Variants in WDFY4 observed in about 807,000 individuals in gnomAD.
WDFY4 encodes the protein WDFY family member 4.
A neutral mutation model predicts 351.9 loss-of-function variants in WDFY4; 169 were observed. The observed-to-expected ratio is 0.48, with a 90% CI of 0.42 to 0.55. The LOEUF (loss-of-function observed/expected upper bound fraction) is 0.55, where lower values mean the gene tolerates loss of function less well. Among genes scored for constraint, WDFY4 ranks in the 20% least tolerant of loss-of-function variants. The pLI, the probability that WDFY4 is intolerant of heterozygous loss-of-function variation, is 0.00. For synonymous variants in WDFY4, 1,622 were observed against 1,574.6 expected (o/e 1.03, Z -0.71); for missense variants, 3,803 against 3,935.6 (o/e 0.97, Z 0.90).
chr10:48,854,246 C>A (rs1324093367), intron 39 of WDFY4, among the ~76,000 whole-genome samples: 1 of 151,788 alleles, frequency 6.6e-6, no homozygotes, highest in Non-Finnish European at 1.5e-5. Context: ...GTAGCTGGGA[C>A]TACAGGTGTA....
At chr10:48,774,730 C>T in intron 14 of WDFY4, 58 bp downstream of exon 14, 1 of 1,539,278 alleles carries the variant, frequency 6.5e-7, no homozygotes, top group South Asian at 1.2e-5. Context: ...CTTTGCAGGG[C>T]AGGGGTTGCA....
At chr10:48,718,680 A>G (rs1458296756) in intron 2 of WDFY4, among the ~76,000 whole-genome samples, 1 of 152,236 alleles carries the variant, frequency 6.6e-6, no homozygotes, top group Non-Finnish European at 1.5e-5. Context: ...CACTCTGGCC[A>G]TTGGTCTGGA....
chr10:48,808,726 G>C (rs549426516), intron 28 of WDFY4, among the ~76,000 whole-genome samples: 2 of 152,234 alleles, frequency 1.3e-5, no homozygotes, highest in Non-Finnish European at 2.9e-5. Context: ...AAACATGGTA[G>C]AACTGGAAGA....
chr10:48,794,301 G>T (rs1026985720), intron 23 of WDFY4, among the ~76,000 whole-genome samples: 1 of 152,150 alleles, frequency 6.6e-6, no homozygotes, highest in African/African-American at 2.4e-5. Context: ...CTGACCTGGG[G>T]AGTCTCAGGA....
intron 57 of WDFY4, among the ~76,000 whole-genome samples, chr10:48,971,901 C>T (rs577341587): frequency 1.3e-5 from 2 of 152,284 alleles, no homozygotes; most frequent in Admixed American, 6.5e-5. Flanking sequence ...GTGCTCTCTC[C>T]CCAGCATCCC....
At chr10:48,726,824 A>G (rs1255364346) in intron 6 of WDFY4, among the ~76,000 whole-genome samples, 1 of 152,202 alleles carries the variant, frequency 6.6e-6, no homozygotes, top group African/African-American at 2.4e-5. Flanking sequence ...AGCACTCAGA[A>G]GAGGCTTCTC....
chr10:48,957,396 C>G (rs1441559220), intron 52 of WDFY4, 114 bp downstream of exon 52: 1 of 1,342,648 alleles, frequency 7.4e-7, no homozygotes, highest in East Asian at 2.5e-5. Flanking sequence ...CCCAGGACCT[C>G]AACTTCGGGT....
intron 47 of WDFY4, among the ~76,000 whole-genome samples, chr10:48,903,743 A>G (rs34874893): frequency 0.13 from 20,328 of 152,222 alleles, 1,514 homozygotes; most frequent in Middle Eastern, 0.21. Flanking sequence ...CATCTCAAAG[A>G]CATCATGGAG....
chr10:48,759,834 G>C (rs1243847028), intron 12 of WDFY4, among the ~76,000 whole-genome samples: 4 of 152,188 alleles, frequency 2.6e-5, no homozygotes, highest in Non-Finnish European at 4.4e-5. Context: ...CTTGAGTTTG[G>C]TTTCCTTCTC....
intron 56 of WDFY4, 107 bp from the exon 57 acceptor site, chr10:48,970,024 C>G: frequency 7.4e-7 from 1 of 1,349,780 alleles, no homozygotes; most frequent in East Asian, 2.5e-5. Flanking sequence ...ATGGCATGTC[C>G]CCAGTTCCCA....
At chr10:48,814,568 G>C (rs914036668) in intron 31 of WDFY4, among the ~76,000 whole-genome samples, 33 of 152,272 alleles carry the variant, frequency 2.2e-4, no homozygotes, top group African/African-American at 7.7e-4. Context: ...AGTTATTTTA[G>C]ACATTGGGTA....
At chr10:48,899,256 C>T (rs539126792) in intron 45 of WDFY4, among the ~76,000 whole-genome samples, 1 of 152,348 alleles carries the variant, frequency 6.6e-6, no homozygotes, top group East Asian at 1.9e-4. Context: ...ATTCTGCATT[C>T]ACTTCCTGTT....
Position 48,821,185 on chromosome 10 carries a change from G to A in WDFY4, c.5824+9G>A, listed in dbSNP as rs1034706282. 5 of 1,544,648 alleles carry A rather than the reference G, an allele frequency of 3.2e-6. No homozygotes were observed. In the African/African-American group the frequency reaches 4.1e-5, roughly 13 times the overall value. The stretch of plus-strand genomic sequence containing the variant: ...TGCAGCGATGTTCAGAGGTGAGTGG[G>A]GCAACTCGGTCCCCTCCATTCATGA... On this transcript the variant is annotated intron_variant, in intron 34 of 61. Coordinates refer to ENST00000325239, the MANE Select transcript of WDFY4 (RefSeq NM_001394531.1).
At chr10:48,844,043 C>CA (rs1180787488) in intron 39 of WDFY4, among the ~76,000 whole-genome samples, 8 of 152,266 alleles carry the variant, frequency 5.3e-5, no homozygotes, top group Non-Finnish European at 1.2e-4. Flanking sequence ...CTAGGCCCCC[C>CA]ACTCACAGCC....
intron 47 of WDFY4, among the ~76,000 whole-genome samples, chr10:48,940,600 G>A (rs144224171): frequency 7.2e-5 from 11 of 152,326 alleles, no homozygotes; most frequent in African/African-American, 2.6e-4. Flanking sequence ...TGGGGACTGG[G>A]TCTGTAGGTA....
rs182528116 is a variant in WDFY4 at position 48,697,909 on chromosome 10, G to A, written c.-17-11807G>A. Among the ~76,000 whole-genome samples, 362 of 152,290 alleles carry A rather than the reference G, an allele frequency of 2.4e-3. 1 individual carries two copies. Among genetic ancestry groups the A allele is most frequent in the African/African-American group, 8.3e-3 (346 of 41,556 alleles). ...CCCATGTCACCTTGGCCTGTTTGCT[G>A]CATGTCTGCCTCCAGCTTGCTTCCT... is the stretch of plus-strand genomic sequence containing the variant. On this transcript the variant is annotated intron_variant, in intron 1 of 61. Transcript: ENST00000325239.
intron 51 of WDFY4, 97 bp downstream of exon 51, chr10:48,947,066 GATGCC>G: frequency 2.9e-6 from 3 of 1,041,560 alleles, no homozygotes; most frequent in African/African-American, 1.6e-5. Flanking sequence ...ACAAAGACAG[GATGCC>G]TCTGCTAAAA....
At chr10:48,823,554 G>A in intron 35 of WDFY4, 7 of 1,071,904 alleles carry the variant, frequency 6.5e-6, no homozygotes, top group Non-Finnish European at 8.0e-6. Context: ...AAGCAAACCT[G>A]GAAAGACTTG....
intron 57 of WDFY4, among the ~76,000 whole-genome samples, chr10:48,971,453 G>A (rs747650108): frequency 1.3e-5 from 2 of 150,944 alleles, no homozygotes; most frequent in Admixed American, 6.6e-5. Context: ...CAGAGATTGC[G>A]CCACTACACT....
Sources: allele counts gnomAD v4.1 joint callset (sites outside exome capture counted in the v4.1 genomes callset), GRCh38; gene constraint gnomAD v4.1.1; transcripts MANE v1.5; gene names NCBI Gene and HGNC (gene_info 2026-07-23, HGNC 2026-07-21).